CHD5: variants seen among roughly 807,000 people sequenced by gnomAD.
The protein encoded by CHD5 is chromodomain helicase DNA binding protein 5.
Under a neutral mutation model 230.3 loss-of-function variants are expected in CHD5, and 69 were observed. The ratio of observed to expected loss-of-function variants is 0.30; its 90% CI spans 0.25 to 0.37. CHD5 has a LOEUF of 0.37. CHD5 is among the 10% of genes least tolerant of loss of function. The probability of loss-of-function intolerance (pLI) is 1.00; values close to 1 mark genes in which losing one functional copy is unlikely to be tolerated. For synonymous variants in CHD5, 1,064 were observed against 1,065.9 expected (o/e 1.00, Z 0.03); for missense variants, 1,827 against 2,622.8 (o/e 0.70, Z 6.63).
At chr1:6,152,298 C>T in intron 6 of CHD5, 114 bp downstream of exon 6, 1 of 1,245,786 alleles carries the variant, frequency 8.0e-7, no homozygotes, top group African/African-American at 1.5e-5. Context: ...AGGGGTGCGA[C>T]CTGCCCCAGC....
At position 6,134,040 on chromosome 1, in the gene CHD5, T is replaced by C. The variant is rs1386912516; in HGVS notation, c.3144+88A>G. 11 of 1,337,810 alleles carry C rather than the reference T, an allele frequency of 8.2e-6. No homozygotes were observed. The allele number at this position is 1,337,810 out of a possible 1,614,324, so 82.9% of individuals were successfully genotyped here. On this transcript the variant is annotated intron_variant, in intron 20 of 41. Transcript: ENST00000262450. This position sits in a 1 kb window ranked among gnomAD's most constrained non-coding sequence, Gnocchi z 6.3. ...GGGAACGGCACTGGGCCCTGAGGGG[T>C]GCCAGCAAGTTTGCGCCCCCAAGCA...
Position 6,180,078 on chromosome 1 carries a change from C to A in CHD5, c.-55G>T. On this transcript the variant is annotated 5_prime_UTR_variant, in exon 1 of 42. Coordinates refer to ENST00000262450, the MANE Select transcript of CHD5 (RefSeq NM_015557.3). ...GCCCCCCCTCCCGCCGGGCGCGGTG[C>A]CAGCCTTAACCCGTGCGCTGCCGGA... is the stretch of plus-strand genomic sequence containing the variant. 1 of 950,788 alleles carries A rather than the reference C, an allele frequency of 1.1e-6. No homozygotes were observed. Among genetic ancestry groups the A allele is most frequent in the Non-Finnish European group, 1.3e-6 (1 of 757,838 alleles). The allele number at this position is 950,788 out of a possible 1,614,324, so 58.9% of individuals were successfully genotyped here.
At chr1:6,150,714 A>G (rs72632542) in intron 7 of CHD5, among the ~76,000 whole-genome samples, 13,168 of 152,124 alleles carry the variant, frequency 0.087, 659 homozygotes, top group South Asian at 0.14. Context: ...GAGGATGGCG[A>G]TGAGATGAAG....
Position 6,106,702 on chromosome 1 carries a change from G to A in CHD5, c.5656C>T (p.Pro1886Ser), listed in dbSNP as rs991361795. The A allele has an allele frequency of 1.2e-6, 2 of 1,611,924 alleles. No individual in the cohort carries two copies. Among genetic ancestry groups the A allele is most frequent in the Non-Finnish European group, 1.7e-6 (2 of 1,179,736 alleles). Residue 1886 changes from proline (P) to serine (S), a missense_variant, in exon 39 of 42, where the codon CCC becomes TCC. Around this residue, in one of 14 missense-constraint regions of CHD5, gnomAD observed 208 missense variants for 302.0 expected, o/e 0.69. Transcript: ENST00000262450. The stretch of plus-strand genomic sequence containing the variant: ...ATCTGCAGCCGGGCGGCCACCGGGG[G>A]GATGCGGGACAGCATGGATGGCAGC... ...TRLPSMLSRI[P>S]PVAARLQMSE... is the part of the protein sequence containing the mutation.
At chr1:6,169,022 A>G (rs979235985) in intron 1 of CHD5, among the ~76,000 whole-genome samples, 10 of 151,708 alleles carry the variant, frequency 6.6e-5, no homozygotes, top group Admixed American at 5.3e-4. Flanking sequence ...CCATCAAAAA[A>G]AAAAAAAAAA....
chr1:6,139,028 G>C (rs1348093209), intron 15 of CHD5, among the ~76,000 whole-genome samples: 2 of 152,302 alleles, frequency 1.3e-5, no homozygotes, highest in East Asian at 3.9e-4. Flanking sequence ...GATGTTTCCC[G>C]ATTCTACTCA....
intron 20 of CHD5, among the ~76,000 whole-genome samples, chr1:6,133,134 G>C (rs1399472193): frequency 6.6e-6 from 1 of 152,186 alleles, no homozygotes; most frequent in African/African-American, 2.4e-5. Context: ...GTTTGGAATT[G>C]GGGTTCATAG....
rs1666749030 is a variant in CHD5 at position 6,136,502 on chromosome 1, A to T, written c.2696+15T>A. 6.2e-7 allele frequency: 1 copy of T among 1,612,870 alleles called. No homozygotes were observed. The highest frequency in any genetic ancestry group is 8.5e-7 in the Non-Finnish European group (1 of 1,179,844). On this transcript the variant is annotated intron_variant, in intron 17 of 41. Coordinates refer to ENST00000262450, the MANE Select transcript of CHD5 (RefSeq NM_015557.3). ...GCCCCACCACCACCTCCCTAGCCAG[A>T]TCCAGGTGACTCACTTGAACCTCTC... is the stretch of plus-strand genomic sequence containing the variant.
intron 2 of CHD5, 28 bp downstream of exon 2, chr1:6,168,122 G>T (rs1235837627): frequency 1.9e-6 from 3 of 1,580,856 alleles, no homozygotes; most frequent in Non-Finnish European, 2.6e-6. Flanking sequence ...CCCGCCCCAA[G>T]CTCGCCGGCG....
At chr1:6,175,854 G>A (rs115295535) in intron 1 of CHD5, among the ~76,000 whole-genome samples, 1 of 152,182 alleles carries the variant, frequency 6.6e-6, no homozygotes, top group African/African-American at 2.4e-5. Context: ...TGGATGGTGG[G>A]AAGCATGGAC....
chr1:6,110,057 C>T (rs1666260668), intron 37 of CHD5, 67 bp from the exon 38 acceptor site: 18 of 1,362,588 alleles, frequency 1.3e-5, no homozygotes, highest in Middle Eastern at 2.6e-4. Context: ...GCTCCACCAG[C>T]GCCCACCCCA....
intron 7 of CHD5, among the ~76,000 whole-genome samples, chr1:6,149,851 C>T (rs1010011481): frequency 5.0e-5 from 7 of 139,738 alleles, no homozygotes; most frequent in Non-Finnish European, 9.2e-5. Context: ...GACAAATGGA[C>T]GGATGATGGA....
chr1:6,125,703 G>A lies in CHD5; in HGVS notation c.4171+63C>T. The A allele has an allele frequency of 6.3e-7, 1 of 1,585,550 alleles. No individual in the cohort carries two copies. Among genetic ancestry groups the A allele is most frequent in the South Asian group, 1.1e-5 (1 of 90,478 alleles). ...GGGACCCCAGACCAGCCCCGCTCCT[G>A]CTGCCATCAGCTCCCCTGACATGGC... On this transcript the variant is annotated intron_variant, in intron 27 of 41. Coordinates refer to ENST00000262450, the MANE Select transcript of CHD5 (RefSeq NM_015557.3). The surrounding 1 kb of genome is among the most constrained non-coding windows in gnomAD (Gnocchi z 6.7).
intron 15 of CHD5, among the ~76,000 whole-genome samples, chr1:6,138,390 G>A (rs1383125772): frequency 6.6e-6 from 1 of 151,076 alleles, no homozygotes; most frequent in Non-Finnish European, 1.5e-5. Flanking sequence ...AAAAAAAAAA[G>A]CAAGCAAATT....
intron 11 of CHD5, among the ~76,000 whole-genome samples, chr1:6,145,555 G>A (rs990549937): frequency 2.0e-5 from 3 of 152,232 alleles, no homozygotes; most frequent in Non-Finnish European, 4.4e-5. Flanking sequence ...AAGCCCACGG[G>A]CCTCCTGCCT....
chr1:6,177,233 T>A (rs773726630), intron 1 of CHD5, among the ~76,000 whole-genome samples: 5 of 152,072 alleles, frequency 3.3e-5, no homozygotes, highest in Non-Finnish European at 5.9e-5. Flanking sequence ...TCTTTGGGGG[T>A]CACCGCCACT....
chr1:6,165,010 G>A (rs751819852), intron 2 of CHD5, among the ~76,000 whole-genome samples: 1 of 152,160 alleles, frequency 6.6e-6, no homozygotes, highest in Non-Finnish European at 1.5e-5. Flanking sequence ...GACCCAGAGA[G>A]AGACAGACAG....
At chr1:6,144,872 C>T (rs17029237) in intron 11 of CHD5, among the ~76,000 whole-genome samples, 3,366 of 152,342 alleles carry the variant, frequency 0.022, 130 homozygotes, top group African/African-American at 0.077. Flanking sequence ...AAACCGATCC[C>T]GTTACCACGG....
intron 8 of CHD5, 53 bp downstream of exon 8, chr1:6,149,193 T>TGGGGGAGCCAG (rs1251628823): frequency 6.6e-7 from 1 of 1,506,364 alleles, no homozygotes; most frequent in East Asian, 2.4e-5. Context: ...GGCACAGGGG[T>TGGGGGAGCCAG]GGGGGAGCCA....
Sources: allele counts gnomAD v4.1 joint callset (sites outside exome capture counted in the v4.1 genomes callset), GRCh38; gene constraint gnomAD v4.1.1; regional missense constraint gnomAD v4.1.1; non-coding constraint Gnocchi (gnomAD v3.1); transcripts MANE v1.5; gene names NCBI Gene and HGNC (gene_info 2026-07-23, HGNC 2026-07-21).